PLCL2: variants seen among roughly 807,000 people sequenced by gnomAD.
The protein encoded by PLCL2 is inactive phospholipase C-like protein 2.
A neutral mutation model predicts 79.6 loss-of-function variants in PLCL2; 4 were observed. That is an observed-to-expected ratio of 0.05 (90% CI 0.02 to 0.11). The LOEUF is 0.11. Among genes scored for constraint, PLCL2 ranks in the 10% least tolerant of loss-of-function variants. The pLI, the probability that PLCL2 is intolerant of heterozygous loss-of-function variation, is 1.00. For missense variants in PLCL2, 895 were observed against 1,291.0 expected, an observed-to-expected ratio of 0.69 and a Z score of 4.70; for synonymous variants, 484 against 457.7, an observed-to-expected ratio of 1.06 and a Z score of -0.73.
chr3:17,079,495 A>G (rs2065141041), intron 5 of PLCL2, among the ~76,000 whole-genome samples: 2 of 152,212 alleles, frequency 1.3e-5, no homozygotes, highest in East Asian at 1.9e-4. Context: ...GCTTTGTAGC[A>G]TAGAAATCAT....
At chr3:17,025,504 G>GA (rs1206784501) in intron 3 of PLCL2, among the ~76,000 whole-genome samples, 1 of 152,006 alleles carries the variant, frequency 6.6e-6, no homozygotes, top group Non-Finnish European at 1.5e-5. Flanking sequence ...CATTTTATAA[G>GA]AAAAAATGGA....
At chr3:16,947,247 G>T (rs1022971298) in intron 1 of PLCL2, among the ~76,000 whole-genome samples, 1 of 152,102 alleles carries the variant, frequency 6.6e-6, no homozygotes, top group Non-Finnish European at 1.5e-5. Flanking sequence ...ACCGCATCCA[G>T]CTAAAGTTTT....
intron 1 of PLCL2, among the ~76,000 whole-genome samples, chr3:16,930,837 T>A (rs1697375683): frequency 6.6e-6 from 1 of 152,216 alleles, no homozygotes; most frequent in African/African-American, 2.4e-5. Context: ...CCTATGTCCA[T>A]TAATGACATT....
chr3:16,896,158 G>T (rs1042245656), intron 1 of PLCL2, among the ~76,000 whole-genome samples: 22 of 152,136 alleles, frequency 1.4e-4, no homozygotes, highest in African/African-American at 4.8e-4. Flanking sequence ...GATACCAATT[G>T]GTTACTTCCT....
intron 1 of PLCL2, among the ~76,000 whole-genome samples, chr3:17,001,550 C>G (rs2064211689): frequency 1.3e-5 from 2 of 152,012 alleles, no homozygotes; most frequent in Admixed American, 6.6e-5. Context: ...AGATAGGGAT[C>G]TAGTTTTATT....
At chr3:16,986,771 G>A (rs765172339) in intron 1 of PLCL2, among the ~76,000 whole-genome samples, 29 of 152,034 alleles carry the variant, frequency 1.9e-4, no homozygotes, top group Non-Finnish European at 4.1e-4. Context: ...TGGAGGAAAA[G>A]CAAATGAGAA....
At chr3:17,064,382 G>T (rs749021730) in intron 4 of PLCL2, among the ~76,000 whole-genome samples, 1 of 152,038 alleles carries the variant, frequency 6.6e-6, no homozygotes, top group African/African-American at 2.4e-5. Flanking sequence ...TCTGCCCACA[G>T]AATAATTATT....
chr3:16,916,767 AT>A (rs1451504472), intron 1 of PLCL2, among the ~76,000 whole-genome samples: 7 of 152,290 alleles, frequency 4.6e-5, no homozygotes, highest in Admixed American at 4.6e-4. Context: ...ATATTACAGA[AT>A]TTTGAAAGAT....
chr3:16,983,315 T>G (rs1253358245), intron 1 of PLCL2, among the ~76,000 whole-genome samples: 1 of 152,236 alleles, frequency 6.6e-6, no homozygotes, highest in Admixed American at 6.5e-5. Flanking sequence ...GCAGAGTAAG[T>G]GACTCTTGTG....
intron 1 of PLCL2, among the ~76,000 whole-genome samples, chr3:16,986,428 A>T (rs1304563408): frequency 6.6e-6 from 1 of 151,794 alleles, no homozygotes; most frequent in African/African-American, 2.4e-5. Context: ...GAAAGACAAG[A>T]TCTCACTCTG....
In PLCL2 at chr3:17,009,779, G is replaced by A; in HGVS notation, c.433G>A (p.Glu145Lys). 6.2e-7 allele frequency: 1 copy of A among 1,613,820 alleles called. No homozygotes were observed. Among genetic ancestry groups the A allele is most frequent in the Non-Finnish European group, 8.5e-7 (1 of 1,179,750 alleles). ...SASDCINSMVEGSELKKVRSN... is the reference protein window; with the variant it reads ...SASDCINSMVKGSELKKVRSN... ...AAGTGATTGTATTAATTCAATGGTTGAGGGTTCAGAACTCAAAAAGGTTCG... is the reference window on the plus strand; with the variant it reads ...AAGTGATTGTATTAATTCAATGGTTAAGGGTTCAGAACTCAAAAAGGTTCG... Residue 145 changes from glutamate to lysine, a missense_variant, in exon 2 of 6, where the codon GAG (glutamate) becomes AAG (lysine). Glu to Lys is a moderately conservative substitution (Grantham distance 56). Around this residue, in one of 6 missense-constraint regions of PLCL2, gnomAD observed 129 missense variants for 208.8 expected, o/e 0.62. Coordinates refer to ENST00000615277, the MANE Select transcript of PLCL2 (RefSeq NM_001144382.2). This position sits in a 1 kb window ranked among gnomAD's most constrained non-coding sequence, Gnocchi z 4.0.
chr3:16,902,853 C>T (rs58274841), intron 1 of PLCL2, among the ~76,000 whole-genome samples: 14 of 42,248 alleles, frequency 3.3e-4, no homozygotes, highest in African/African-American at 4.1e-4. Context: ...AAATGCAGTG[C>T]GTGTGTGTGT....
At chr3:16,914,588 C>T (rs1430369514) in intron 1 of PLCL2, among the ~76,000 whole-genome samples, 4 of 146,286 alleles carry the variant, frequency 2.7e-5, no homozygotes, top group East Asian at 2.0e-4. Context: ...TATCTTTTTG[C>T]GTAGATTTGG....
intron 1 of PLCL2, among the ~76,000 whole-genome samples, chr3:16,977,817 G>A (rs1010862383): frequency 2.6e-5 from 4 of 152,118 alleles, no homozygotes; most frequent in African/African-American, 7.2e-5. Flanking sequence ...CACAGTTCTC[G>A]AGGGTGGAAA....
chr3:17,077,686 T>G (rs1453433538), intron 5 of PLCL2, among the ~76,000 whole-genome samples: 2 of 152,226 alleles, frequency 1.3e-5, no homozygotes, highest in East Asian at 3.8e-4. Context: ...AGTCCTGTTT[T>G]CATTGGTCTG....
rs139055398 is a variant in PLCL2, at chr3:17,011,664, G to T, written c.2318G>T (p.Gly773Val). Residue 773 changes from glycine to valine, a missense_variant, in exon 2 of 6, where the codon GGT (glycine) becomes GTT (valine). Physicochemically the swap from Gly to Val is moderately radical, Grantham distance 109. Transcript: ENST00000615277. This position sits in a 1 kb window ranked among gnomAD's most constrained non-coding sequence, Gnocchi z 7.9. ...AACTTTCCCAAGCCCAAAGGATCAG[G>T]TGCCAAAGGTGATGTGGTAGATCCT... ...GQNFPKPKGSGAKGDVVDPYV... is the reference protein window; with the variant it reads ...GQNFPKPKGSVAKGDVVDPYV... 158 of 1,614,000 alleles carry T rather than the reference G, an allele frequency of 9.8e-5. No individual in the cohort carries two copies. The highest frequency in any genetic ancestry group is 1.3e-4 in the Non-Finnish European group (156 of 1,180,050).
chr3:16,980,503 G>T (rs12490561), intron 1 of PLCL2, among the ~76,000 whole-genome samples: 1 of 149,724 alleles, frequency 6.7e-6, no homozygotes, highest in Non-Finnish European at 1.5e-5. Context: ...GGACGGGGCG[G>T]CAGGGCAGAG....
At chr3:16,905,402 C>T (rs1373320467) in intron 1 of PLCL2, among the ~76,000 whole-genome samples, 3 of 152,174 alleles carry the variant, frequency 2.0e-5, no homozygotes, top group Non-Finnish European at 4.4e-5. Context: ...CCAGTTTCAA[C>T]CTCTGTATCA....
chr3:17,043,039 C>A, intron 4 of PLCL2, 90 bp downstream of exon 4: 2 of 807,230 alleles, frequency 2.5e-6, no homozygotes, highest in Middle Eastern at 2.4e-4. Context: ...GATGCTATAT[C>A]AAGAAAATCA....
Sources: allele counts gnomAD v4.1 joint callset (sites outside exome capture counted in the v4.1 genomes callset), GRCh38; gene constraint gnomAD v4.1.1; regional missense constraint gnomAD v4.1.1; non-coding constraint Gnocchi (gnomAD v3.1); transcripts MANE v1.5; gene names NCBI Gene and HGNC (gene_info 2026-07-23, HGNC 2026-07-21).